Variants in EEIG1 observed in about 807,000 individuals in gnomAD.
EEIG1 encodes early estrogen-induced gene 1 protein.
At chr9:127,969,151 C>A in the EEIG1 span, among the ~76,000 whole-genome samples, 3 of 152,298 alleles carry the variant, frequency 2.0e-5, no homozygotes, top group East Asian at 5.8e-4. Context: ...AAATGCCCGT[C>A]GGCAAAGACA....
chr9:127,966,746 G>T, the EEIG1 span, among the ~76,000 whole-genome samples: 1 of 152,348 alleles, frequency 6.6e-6, no homozygotes, highest in East Asian at 1.9e-4. Flanking sequence ...GCCCAGCCTG[G>T]CTGTTTCCCA....
chr9:127,954,077 C>G, the EEIG1 span: 1 of 861,762 alleles, frequency 1.2e-6, no homozygotes, highest in Admixed American at 2.4e-5. Flanking sequence ...GTTTTCACCA[C>G]AAGAATGTAC....
chr9:127,978,242 T>C, the EEIG1 span, among the ~76,000 whole-genome samples: 1 of 152,052 alleles, frequency 6.6e-6, no homozygotes, highest in African/African-American at 2.4e-5. Context: ...CTTCCCCTCC[T>C]CCCAGCAGAG....
the EEIG1 span, among the ~76,000 whole-genome samples, chr9:127,967,889 G>A: frequency 1.3e-5 from 2 of 152,022 alleles, no homozygotes; most frequent in African/African-American, 4.8e-5. Context: ...TCCCCTCTGA[G>A]GCAGATGGTC....
the EEIG1 span, among the ~76,000 whole-genome samples, chr9:127,952,699 G>A: frequency 6.6e-6 from 1 of 152,086 alleles, no homozygotes; most frequent in African/African-American, 2.4e-5. Context: ...AAAAAACCAA[G>A]CTGCAAATCT....
chr9:127,940,950 T>A, the EEIG1 span: 1 of 152,212 alleles, frequency 6.6e-6, no homozygotes, highest in Non-Finnish European at 1.5e-5. Flanking sequence ...GATTCCAAAC[T>A]GACATTGCAT....
At chr9:127,976,407 G>A in the EEIG1 span, among the ~76,000 whole-genome samples, 12 of 152,340 alleles carry the variant, frequency 7.9e-5, no homozygotes, top group African/African-American at 2.4e-4. This position sits in a 1 kb window ranked among gnomAD's most constrained non-coding sequence, Gnocchi z 4.1. Flanking sequence ...TACAGAATGC[G>A]TACAATCAAG....
chr9:127,963,483 A>C, the EEIG1 span, among the ~76,000 whole-genome samples: 2 of 152,252 alleles, frequency 1.3e-5, no homozygotes, highest in African/African-American at 4.8e-5. Flanking sequence ...TTAGACATGT[A>C]AATCTCAGCA....
chr9:127,977,469 A>AT, the EEIG1 span, among the ~76,000 whole-genome samples: 3 of 152,128 alleles, frequency 2.0e-5, no homozygotes, highest in African/African-American at 7.2e-5. Context: ...GGGGCTCAAA[A>AT]TTTATATTCC....
chr9:127,943,693 T>C, the EEIG1 span: 6 of 164,920 alleles, frequency 3.6e-5, no homozygotes, highest in Non-Finnish European at 7.9e-5. Context: ...CCCAACCAGA[T>C]TGGTTTCTTT....
the EEIG1 span, among the ~76,000 whole-genome samples, chr9:127,957,077 G>A: frequency 9.1e-4 from 139 of 152,164 alleles, 1 homozygote; most frequent in Middle Eastern, 0.017. Flanking sequence ...AGGCCGAGGC[G>A]GGCATGGATC....
chr9:127,944,911 G>A, the EEIG1 span: 22 of 1,608,594 alleles, frequency 1.4e-5, no homozygotes, highest in African/African-American at 2.7e-5. Flanking sequence ...GGGTCAGGTC[G>A]TGGGGGGACA....
At chr9:127,948,066 T>C in the EEIG1 span, 4 of 1,609,650 alleles carry the variant, frequency 2.5e-6, no homozygotes, top group Non-Finnish European at 3.4e-6. Context: ...GATGAGGAAC[T>C]GTACCTGAGC....
At chr9:127,945,509 G>A in the EEIG1 span, 30 of 1,569,574 alleles carry the variant, frequency 1.9e-5, no homozygotes, top group South Asian at 2.2e-4. The surrounding 1 kb of genome is among the most constrained non-coding windows in gnomAD (Gnocchi z 6.5). Context: ...GACGTGTTGC[G>A]GCGGTGCGTC....
chr9:127,978,205 C>A, the EEIG1 span, among the ~76,000 whole-genome samples: 11 of 152,340 alleles, frequency 7.2e-5, no homozygotes, highest in Non-Finnish European at 1.0e-4. Context: ...ATTCCTAAAT[C>A]TGAGCCTGGC....
chr9:127,952,905 C>T, the EEIG1 span, among the ~76,000 whole-genome samples: 5 of 152,214 alleles, frequency 3.3e-5, 1 homozygote, highest in African/African-American at 1.2e-4. Context: ...GTAGTAGAGA[C>T]GGGGTTTTGT....
At chr9:127,950,788 C>T in the EEIG1 span, 5 of 1,046,188 alleles carry the variant, frequency 4.8e-6, no homozygotes, top group African/African-American at 4.9e-5. Flanking sequence ...TGCCACGTCC[C>T]GGCGTGCACC....
the EEIG1 span, among the ~76,000 whole-genome samples, chr9:127,971,741 A>G: frequency 1.3e-5 from 2 of 152,198 alleles, no homozygotes; most frequent in African/African-American, 2.4e-5. Context: ...GGAATGAGCT[A>G]GAGATGTGGA....
the EEIG1 span, chr9:127,943,067 T>A: frequency 1.5e-4 from 126 of 827,202 alleles, no homozygotes; most frequent in African/African-American, 1.8e-3. Context: ...TGGACTGGAG[T>A]GCATGGAGGA....
Sources: gnomAD v4.1 joint callset for allele counts (sites outside exome capture counted in the v4.1 genomes callset) on GRCh38, gnomAD v4.1.1 for gene constraint, Gnocchi (gnomAD v3.1) non-coding constraint, MANE v1.5 for transcripts, NCBI Gene and HGNC (gene_info 2026-07-23, HGNC 2026-07-21) for gene names.